Variants in LARGE1 observed in about 807,000 individuals in gnomAD.
LARGE1 encodes the protein LARGE xylosyl- and glucuronyltransferase 1, also known as xylosyl- and glucuronyltransferase LARGE1.
A neutral mutation model predicts 87.6 loss-of-function variants in LARGE1; 43 were observed. The observed-to-expected ratio is 0.49, with a 90% CI of 0.38 to 0.63. The LOEUF is 0.63. LARGE1 is among the 30% of genes least tolerant of loss of function. The probability of loss-of-function intolerance (pLI) is 0.00; values close to 1 mark genes in which losing one functional copy is unlikely to be tolerated. For synonymous variants in LARGE1, 434 were observed against 394.6 expected, an observed-to-expected ratio of 1.10 and a Z score of -1.18; for missense variants, 802 against 1,000.2, an observed-to-expected ratio of 0.80 and a Z score of 2.67.
chr22:33,731,331 G>A (rs756753891), intron 2 of LARGE1, among the ~76,000 whole-genome samples: 22 of 152,094 alleles, frequency 1.4e-4, no homozygotes, highest in Non-Finnish European at 2.6e-4. Flanking sequence ...AGAATGACCC[G>A]AGAGAACTTA....
At chr22:33,758,602 T>C (rs2084609729) in intron 2 of LARGE1, among the ~76,000 whole-genome samples, 1 of 152,214 alleles carries the variant, frequency 6.6e-6, no homozygotes, top group Non-Finnish European at 1.5e-5. Flanking sequence ...TTTCATGATC[T>C]TTCCAGTTTC....
the LARGE1 span, among the ~76,000 whole-genome samples, chr22:33,102,999 T>G: frequency 7.2e-5 from 11 of 152,244 alleles, no homozygotes; most frequent in African/African-American, 2.6e-4. Flanking sequence ...TGCAGAATTT[T>G]TGGACGTCCC....
At chr22:33,696,012 A>G (rs1221010433) in intron 2 of LARGE1, among the ~76,000 whole-genome samples, 1 of 152,180 alleles carries the variant, frequency 6.6e-6, no homozygotes, top group African/African-American at 2.4e-5. Flanking sequence ...GCTTTCTCTC[A>G]TAACATCAAG....
At chr22:33,346,733 C>G (rs899230912) in intron 9 of LARGE1, among the ~76,000 whole-genome samples, 1 of 152,168 alleles carries the variant, frequency 6.6e-6, no homozygotes, top group Non-Finnish European at 1.5e-5. Flanking sequence ...CCCATTCTTC[C>G]TAACAGAACA....
intron 5 of LARGE1, among the ~76,000 whole-genome samples, chr22:33,592,980 G>C (rs552527293): frequency 1.3e-5 from 2 of 151,980 alleles, no homozygotes; most frequent in African/African-American, 2.4e-5. Context: ...GCTGGGACTA[G>C]AGGTGCCCAC....
intron 2 of LARGE1, among the ~76,000 whole-genome samples, chr22:33,663,765 C>T (rs755987236): frequency 1.9e-4 from 29 of 152,130 alleles, no homozygotes; most frequent in Non-Finnish European, 4.3e-4. Flanking sequence ...AGTGGACCAA[C>T]GATCTTCACC....
In LARGE1 at chr22:33,545,847, G is replaced by A. The variant is rs142502974; in HGVS notation, c.787+19001C>T. ...GATCCACCAGCCTTGGCCTCCCGACGTGCTTGGATTACAGGCGTGAGCCAT... is the reference window on the plus strand; with the variant it reads ...GATCCACCAGCCTTGGCCTCCCGACATGCTTGGATTACAGGCGTGAGCCAT... On this transcript the variant is annotated intron_variant, in intron 6 of 14. Transcript: ENST00000397394. 3.9e-5 allele frequency among the ~76,000 whole-genome samples: 6 copies of A among 152,288 alleles called. No individual in the cohort carries two copies. In the East Asian group the frequency reaches 5.8e-4, roughly 15 times the overall value.
intron 3 of LARGE1, among the ~76,000 whole-genome samples, chr22:33,640,931 TA>T (rs572005182): frequency 9.2e-5 from 14 of 152,094 alleles, no homozygotes; most frequent in Non-Finnish European, 1.8e-4. Flanking sequence ...GGCTTATAGA[TA>T]AAACTCCCAT....
intron 2 of LARGE1, among the ~76,000 whole-genome samples, chr22:33,738,979 T>G (rs138813357): frequency 6.6e-6 from 1 of 150,864 alleles, no homozygotes; most frequent in East Asian, 1.9e-4. Flanking sequence ...ACAGTCATCC[T>G]AGATACAGTG....
intron 2 of LARGE1, among the ~76,000 whole-genome samples, chr22:33,655,910 ATAAG>A (rs1205362073): frequency 5.9e-5 from 9 of 152,344 alleles, no homozygotes; most frequent in African/African-American, 2.2e-4. Flanking sequence ...AATCAAGTAG[ATAAG>A]TAAGAGCATG....
intron 9 of LARGE1, among the ~76,000 whole-genome samples, chr22:33,342,006 C>T (rs60122905): frequency 0.057 from 8,669 of 152,198 alleles, 443 homozygotes; most frequent in African/African-American, 0.13. Flanking sequence ...TGAAACTATT[C>T]GATGAGGCTT....
intron 7 of LARGE1, among the ~76,000 whole-genome samples, chr22:33,423,091 C>T (rs944081887): frequency 1.3e-5 from 2 of 151,234 alleles, no homozygotes; most frequent in African/African-American, 4.9e-5. Flanking sequence ...TTATCTGATA[C>T]TTTACCAAGA....
chr22:33,517,554 G>GCAAATATTAT (rs2071372548), intron 6 of LARGE1, among the ~76,000 whole-genome samples: 1 of 152,070 alleles, frequency 6.6e-6, no homozygotes, highest in Non-Finnish European at 1.5e-5. Flanking sequence ...GCAAATATTA[G>GCAAATATTAT]CACCCGCCCG....
At chr22:33,748,191 G>C (rs549337879) in intron 2 of LARGE1, among the ~76,000 whole-genome samples, 9 of 149,994 alleles carry the variant, frequency 6.0e-5, no homozygotes, top group African/African-American at 2.0e-4. Flanking sequence ...AGGTGCAGTG[G>C]CATGATCTCG....
At chr22:33,239,686 A>T (rs1486656069) in intron 11 of LARGE1, among the ~76,000 whole-genome samples, 8 of 151,700 alleles carry the variant, frequency 5.3e-5, no homozygotes, top group Non-Finnish European at 7.4e-5. Context: ...CTACAGGTGC[A>T]TGACACCGCA....
chr22:33,495,582 G>GGT (rs1179019792), intron 6 of LARGE1, among the ~76,000 whole-genome samples: 1 of 152,098 alleles, frequency 6.6e-6, no homozygotes, highest in Non-Finnish European at 1.5e-5. Context: ...AGCTGGGCGT[G>GGT]GTGGCATGTG....
chr22:33,079,975 G>A, the LARGE1 span, among the ~76,000 whole-genome samples: 1 of 152,300 alleles, frequency 6.6e-6, no homozygotes, highest in East Asian at 1.9e-4. Flanking sequence ...TCAGGAACTT[G>A]TCCTCATTGC....
At chr22:33,564,765 C>T in intron 6 of LARGE1, 83 bp downstream of exon 6, 2 of 1,444,538 alleles carry the variant, frequency 1.4e-6, no homozygotes, top group Admixed American at 1.7e-5. Flanking sequence ...GGAGACCTCA[C>T]CTTTTTAAAA....
intron 5 of LARGE1, among the ~76,000 whole-genome samples, chr22:33,567,894 A>T (rs538832291): frequency 3.1e-4 from 47 of 152,344 alleles, no homozygotes; most frequent in Admixed American, 9.8e-4. Context: ...TAGTTCACTT[A>T]GGATAATGGC....
Sources: gnomAD v4.1 joint callset for allele counts (sites outside exome capture counted in the v4.1 genomes callset) on GRCh38, gnomAD v4.1.1 for gene constraint, MANE v1.5 for transcripts, NCBI Gene and HGNC (gene_info 2026-07-23, HGNC 2026-07-21) for gene names.